The following ADGRB2 variants were observed in gnomAD, a reference collection of about 807,000 sequenced individuals.
ADGRB2 encodes the protein adhesion G protein-coupled receptor B2.
A neutral mutation model predicts 178.7 loss-of-function variants in ADGRB2; 47 were observed. The ratio of observed to expected loss-of-function variants is 0.26; its 90% CI spans 0.21 to 0.34. ADGRB2 has a LOEUF of 0.34. ADGRB2 is among the 10% of genes least tolerant of loss of function. The pLI is 1.00. For synonymous variants in ADGRB2, 870 were observed against 912.4 expected, an observed-to-expected ratio of 0.95 and a Z score of 0.84; for missense variants, 1,584 against 2,180.8, an observed-to-expected ratio of 0.73 and a Z score of 5.45.
chr1:31,738,165 C>T (rs751687066), intron 18 of ADGRB2, 35 bp downstream of exon 18: 15 of 1,607,660 alleles, frequency 9.3e-6, no homozygotes, highest in Non-Finnish European at 1.3e-5. Context: ...AGGGCCTCCT[C>T]CCTTATTCAG....
rs767515792 is a variant in ADGRB2 at position 31,732,501 on chromosome 1, C to T, written c.3720+16G>A. 1 of 1,613,844 alleles carries T rather than the reference C, an allele frequency of 6.2e-7. No homozygotes were observed. Among genetic ancestry groups the T allele is most frequent in the Admixed American group, 1.7e-5 (1 of 60,022 alleles). ...GCCCAGAATCTGCCCAGGCCCTGCC[C>T]AGGCCCCTAACTCACCAGGATCTGC... is the stretch of plus-strand genomic sequence containing the variant. On this transcript the variant is annotated intron_variant, in intron 27 of 32. Coordinates refer to ENST00000373658, the MANE Select transcript of ADGRB2 (RefSeq NM_001364857.2).
rs1249274701 is a variant in ADGRB2, at chr1:31,733,859, A to C, written c.3453-716T>G. ...AAAAAGCAGATGGGGCCTGGCATCC[A>C]AGCCATTCCCACCCCTCCCTAACCT... On this transcript the variant is annotated intron_variant, in intron 25 of 32. Coordinates refer to ENST00000373658, the MANE Select transcript of ADGRB2 (RefSeq NM_001364857.2). This position sits in a 1 kb window ranked among gnomAD's most constrained non-coding sequence, Gnocchi z 4.3. Among the ~76,000 whole-genome samples, 1 of 152,172 alleles carries C rather than the reference A, an allele frequency of 6.6e-6. No individual in the cohort carries two copies. Among genetic ancestry groups the C allele is most frequent in the Non-Finnish European group, 1.5e-5 (1 of 68,016 alleles).
rs1488925634 is a variant in ADGRB2, at chr1:31,728,487, C to A, written c.4416+111G>T. On this transcript the variant is annotated intron_variant, in intron 30 of 32. Transcript: ENST00000373658. This position sits in a 1 kb window ranked among gnomAD's most constrained non-coding sequence, Gnocchi z 6.7. ...ATCCCACGGAACCCCCGGGCTTGGG[C>A]TCCTGGGGTCAGGCTCTGCAACAGA... 1 of 1,525,610 alleles carries A rather than the reference C, an allele frequency of 6.6e-7. No individual in the cohort carries two copies. Among genetic ancestry groups the A allele is most frequent in the African/African-American group, 1.4e-5 (1 of 72,822 alleles). The allele number at this position is 1,525,610 out of a possible 1,614,324, so 94.5% of individuals were successfully genotyped here.
At position 31,764,130 on chromosome 1, in the gene ADGRB2, C is replaced by A. The variant is rs1309911528; in HGVS notation, c.-437G>T. 1 of 840,716 alleles carries A rather than the reference C, an allele frequency of 1.2e-6. No homozygotes were observed. Among genetic ancestry groups the A allele is most frequent in the Non-Finnish European group, 1.4e-6 (1 of 701,602 alleles). 52.1% of individuals were successfully genotyped at this position (840,716 alleles called of 1,614,324 possible). On this transcript the variant is annotated 5_prime_UTR_variant, in exon 1 of 33. Coordinates refer to ENST00000373658, the MANE Select transcript of ADGRB2 (RefSeq NM_001364857.2). The surrounding 1 kb of genome is among the most constrained non-coding windows in gnomAD (Gnocchi z 7.3). ...CCTGCCGCCGCCGCCGCCGCCGCCT[C>A]CTTGCCGCGCCGCCCCCCGCTCCCC...
chr1:31,755,146 T>C lies in ADGRB2; in HGVS notation c.838+853A>G, dbSNP rs1259863603. 6.6e-6 allele frequency among the ~76,000 whole-genome samples: 1 copy of C among 152,146 alleles called. No homozygotes were observed. Among genetic ancestry groups the C allele is most frequent in the African/African-American group, 2.4e-5 (1 of 41,438 alleles). On this transcript the variant is annotated intron_variant, in intron 4 of 32. Transcript: ENST00000373658. The surrounding 1 kb of genome is among the most constrained non-coding windows in gnomAD (Gnocchi z 5.1). ...CCCATCCCCATGTCATCAGTCCCTG[T>C]TCCCTCCAGGTCTCCTGGTCAGTCC...
Position 31,742,838 on chromosome 1 carries a change from C to A in ADGRB2, c.1252G>T (p.Val418Leu). 1 of 1,470,940 alleles carries A rather than the reference C, an allele frequency of 6.8e-7. No individual in the cohort carries two copies. The highest frequency in any genetic ancestry group is 9.1e-7 in the Non-Finnish European group (1 of 1,101,148). 91.1% of individuals were successfully genotyped at this position (1,470,940 alleles called of 1,614,324 possible). A position where few individuals can be genotyped will look rare whatever the true frequency, so the allele number is the denominator to read the frequency against. Residue 418 changes from valine to leucine, a missense_variant and splice_region_variant, in exon 7 of 33, where the codon GTG becomes TTG. Around this residue, in one of 3 missense-constraint regions of ADGRB2, gnomAD observed 657 missense variants for 847.6 expected, o/e 0.78. Coordinates refer to ENST00000373658, the MANE Select transcript of ADGRB2 (RefSeq NM_001364857.2). ...TKLCSMAACP[V>L]EGQWLEWGPW... Reference sequence around the variant, plus strand: ...ATGGAAGCCCACGGGTGCTACTGACCCGGGCAGGCAGCCATACTGCAGAGC... The same window carrying A: ...ATGGAAGCCCACGGGTGCTACTGACACGGGCAGGCAGCCATACTGCAGAGC...
chr1:31,739,386 G>T lies in ADGRB2; in HGVS notation c.2417C>A (p.Ala806Glu). The T allele has an allele frequency of 6.5e-7, 1 of 1,538,856 alleles. No individual in the cohort carries two copies. Among genetic ancestry groups the T allele is most frequent in the Non-Finnish European group, 8.8e-7 (1 of 1,141,816 alleles). ...AAAGTAGGAGGACTCATCAGGGTCT[G>T]CTGGGAGGAGGCGCTGGTGGGAGTG... ...PGHSHQRLLP[A>E]DPDESSYFVI... The change falls in exon 15 of 33, where the codon GCA becomes GAA. Residue 806 changes from alanine to glutamate, a missense_variant. This residue lies in a region of ADGRB2 where 865 missense variants were observed against 1,192.8 expected (regional missense o/e 0.73). Transcript: ENST00000373658.
intron 7 of ADGRB2, among the ~76,000 whole-genome samples, chr1:31,742,489 G>A (rs1646030199): frequency 1.3e-5 from 2 of 152,186 alleles, no homozygotes; most frequent in Non-Finnish European, 2.9e-5. Flanking sequence ...TAAGGGAAGG[G>A]GCTGCAGGGG....
rs1401110288 is a variant in ADGRB2, at chr1:31,736,769, G to C, written c.2980-46C>G. On this transcript the variant is annotated intron_variant, in intron 20 of 32. Coordinates refer to ENST00000373658, the MANE Select transcript of ADGRB2 (RefSeq NM_001364857.2). Reference sequence around the variant, plus strand: ...AGGGAGTGGCCCTGAGCAGCCGCCAGGGCAGGAGGCGCCGGGCTTCCCACG... The same window carrying C: ...AGGGAGTGGCCCTGAGCAGCCGCCACGGCAGGAGGCGCCGGGCTTCCCACG... The C allele has an allele frequency of 2.5e-6, 4 of 1,587,352 alleles. No homozygotes were observed. In the African/African-American group the frequency reaches 5.4e-5, roughly 21 times the overall value.
rs746569379 is a variant in ADGRB2, at chr1:31,727,412, C to G, written c.*8G>C. ...TATTTATATGCAGTGGGCAGTCCAG[C>G]GTGGCACTCACACCTCTGTCTGGAA... On this transcript the variant is annotated 3_prime_UTR_variant, in exon 33 of 33. Coordinates refer to ENST00000373658, the MANE Select transcript of ADGRB2 (RefSeq NM_001364857.2). The surrounding 1 kb of genome is among the most constrained non-coding windows in gnomAD (Gnocchi z 4.4). 3.2e-6 allele frequency: 5 copies of G among 1,582,950 alleles called. No individual in the cohort carries two copies. The highest frequency in any genetic ancestry group is 4.3e-6 in the Non-Finnish European group (5 of 1,170,940).
intron 4 of ADGRB2, among the ~76,000 whole-genome samples, chr1:31,749,732 T>C (rs1005660268): frequency 6.6e-6 from 1 of 152,176 alleles, no homozygotes; most frequent in African/African-American, 2.4e-5. Flanking sequence ...GGAAACATGG[T>C]GAAACCCCGT....
rs1422172052 is a variant in ADGRB2, at chr1:31,755,422, G to C, written c.838+577C>G. On this transcript the variant is annotated intron_variant, in intron 4 of 32. Transcript: ENST00000373658. The surrounding 1 kb of genome is among the most constrained non-coding windows in gnomAD (Gnocchi z 5.1). ...GGACACTGGGAGCTGAGCCAGCCCA[G>C]CCCTCCAAGGCAGCCTGGAAGCTCA... Among the ~76,000 whole-genome samples the C allele has an allele frequency of 6.6e-6, 1 of 152,152 alleles. No homozygotes were observed. The highest frequency in any genetic ancestry group is 1.5e-5 in the Non-Finnish European group (1 of 68,042).
chr1:31,733,575 TGA>T lies in ADGRB2; in HGVS notation c.3453-434_3453-433del, dbSNP rs67012478. On this transcript the variant is annotated intron_variant, in intron 25 of 32. Coordinates refer to ENST00000373658, the MANE Select transcript of ADGRB2 (RefSeq NM_001364857.2). The surrounding 1 kb of genome is among the most constrained non-coding windows in gnomAD (Gnocchi z 4.3). ...AGGGACAAAGCAACAACAACCACAG[TGA>T]GAGAACGCATGCGACAGAGACACCC... Among the ~76,000 whole-genome samples the T allele has an allele frequency of 0.05, 7,557 of 151,514 alleles. 245 individuals carry two copies. The highest frequency in any genetic ancestry group is 0.083 in the African/African-American group (3,405 of 41,204).
At position 31,740,891 on chromosome 1, in the gene ADGRB2, G is replaced by C. The variant is rs1245385104; in HGVS notation, c.1795-350C>G. 1.9e-5 allele frequency among the ~76,000 whole-genome samples: 1 copy of C among 54,006 alleles called. No homozygotes were observed. Among genetic ancestry groups the C allele is most frequent in the South Asian group, 1.0e-3 (1 of 976 alleles). The allele number at this position is 54,006 out of a possible 152,430, so 35.4% of individuals were successfully genotyped here. A position where few individuals can be genotyped will look rare whatever the true frequency, so the allele number is the denominator to read the frequency against. Reference sequence around the variant, plus strand: ...GTGTAATGAGCATGTGTGTGGGCGCGCGCGCACACACACACACACACACAC... The same window carrying C: ...GTGTAATGAGCATGTGTGTGGGCGCCCGCGCACACACACACACACACACAC... On this transcript the variant is annotated intron_variant, in intron 11 of 32. Coordinates refer to ENST00000373658, the MANE Select transcript of ADGRB2 (RefSeq NM_001364857.2). This position sits in a 1 kb window ranked among gnomAD's most constrained non-coding sequence, Gnocchi z 5.9.
At chr1:31,738,966 T>C in intron 15 of ADGRB2, 29 bp from the exon 16 acceptor site, 1 of 1,544,966 alleles carries the variant, frequency 6.5e-7, no homozygotes, top group Non-Finnish European at 8.9e-7. Context: ...AGTCAGCTCC[T>C]GCCAGCGGGT....
At position 31,736,358 on chromosome 1, in the gene ADGRB2, C is replaced by A. The variant is rs80118168; in HGVS notation, c.3163G>T (p.Gly1055Cys). The A allele has an allele frequency of 6.2e-7, 1 of 1,614,060 alleles. No homozygotes were observed. The highest frequency in any genetic ancestry group is 8.5e-7 in the Non-Finnish European group (1 of 1,180,002). Residue 1055 changes from glycine to cysteine, a missense_variant, in exon 22 of 33, where the codon GGC (glycine) becomes TGC (cysteine). Gly to Cys is a radical substitution (Grantham distance 159). Coordinates refer to ENST00000373658, the MANE Select transcript of ADGRB2 (RefSeq NM_001364857.2). ...LPALVVAVSV[G>C]FTRTKGYGTS... is the part of the protein sequence containing the mutation. ...CCGTATCCTTTCGTTCGGGTAAAGC[C>A]AACAGACACGGCCACCACCAGGGCA...
Position 31,732,160 on chromosome 1 carries a change from G to C in ADGRB2, c.3721-6C>G. On this transcript the variant is annotated splice_polypyrimidine_tract_variant and splice_region_variant and intron_variant, in intron 27 of 32. Coordinates refer to ENST00000373658, the MANE Select transcript of ADGRB2 (RefSeq NM_001364857.2). ...ACATCCTTTTCAAAGTCTGACTATA[G>C]GCAGAAAGGGAGGGGCAGGTGGGCA... The C allele has an allele frequency of 6.2e-7, 1 of 1,614,102 alleles. No homozygotes were observed. The highest frequency in any genetic ancestry group is 2.2e-5 in the East Asian group (1 of 44,888).
At position 31,735,331 on chromosome 1, in the gene ADGRB2, C is replaced by A. The variant is rs748068497; in HGVS notation, c.3354-50G>T. On this transcript the variant is annotated intron_variant, in intron 24 of 32. Coordinates refer to ENST00000373658, the MANE Select transcript of ADGRB2 (RefSeq NM_001364857.2). The surrounding 1 kb of genome is among the most constrained non-coding windows in gnomAD (Gnocchi z 6.0). ...GAAGGAGGGGAAACACATGGGAAGC[C>A]GGGAGATGGGGCAGAATGAGCCCCG... 3.5e-6 allele frequency: 3 copies of A among 858,646 alleles called. No homozygotes were observed. Among genetic ancestry groups the A allele is most frequent in the Middle Eastern group, 2.7e-4 (1 of 3,692 alleles). 53.2% of individuals were successfully genotyped at this position (858,646 alleles called of 1,614,324 possible).
chr1:31,757,099 TG>T (rs1033592236), intron 3 of ADGRB2, 101 bp downstream of exon 3: 40 of 1,585,472 alleles, frequency 2.5e-5, no homozygotes, highest in Non-Finnish European at 3.3e-5. Context: ...TTGTGAGCCC[TG>T]AAGAAACAGT....
Sources: gnomAD v4.1 joint callset for allele counts (sites outside exome capture counted in the v4.1 genomes callset) on GRCh38, gnomAD v4.1.1 for gene constraint, gnomAD v4.1.1 regional missense constraint, Gnocchi (gnomAD v3.1) non-coding constraint, MANE v1.5 for transcripts, NCBI Gene and HGNC (gene_info 2026-07-23, HGNC 2026-07-21) for gene names.